Variants in PARD3B observed in about 807,000 individuals in gnomAD.
PARD3B encodes par-3 family cell polarity regulator beta.
Under a neutral mutation model 130.2 loss-of-function variants are expected in PARD3B, and 103 were observed. The observed-to-expected ratio is 0.79, with a 90% CI of 0.67 to 0.93. The LOEUF (loss-of-function observed/expected upper bound fraction) is 0.93. Among genes scored for constraint, PARD3B ranks in the 40% least tolerant of loss-of-function variants. The pLI, the probability that PARD3B is intolerant of heterozygous loss-of-function variation, is 0.00. For missense variants in PARD3B, 1,609 were observed against 1,499.2 expected, an observed-to-expected ratio of 1.07 and a Z score of -1.21; for synonymous variants, 583 against 553.2, an observed-to-expected ratio of 1.05 and a Z score of -0.76.
chr2:205,520,595 G>A (rs1042077845), intron 21 of PARD3B, among the ~76,000 whole-genome samples: 14 of 152,150 alleles, frequency 9.2e-5, no homozygotes, highest in Admixed American at 8.5e-4. Flanking sequence ...TAGGTAATTG[G>A]TAAAAGTGTT....
intron 18 of PARD3B, among the ~76,000 whole-genome samples, chr2:205,389,213 A>G (rs1170636589): frequency 6.6e-6 from 1 of 152,206 alleles, no homozygotes; most frequent in Admixed American, 6.5e-5. Context: ...CACAATAAAA[A>G]GAGATATTAG....
chr2:204,706,374 AAAAAAG>A lies in PARD3B; in HGVS notation c.222+20109_222+20114del, dbSNP rs1190313997. Among the ~76,000 whole-genome samples, 1,448 of 149,440 alleles carry A rather than the reference AAAAAAG, an allele frequency of 9.7e-3. 25 individuals carry two copies. Among genetic ancestry groups the A allele is most frequent in the African/African-American group, 0.032 (1,268 of 39,158 alleles). Reference sequence around the variant, plus strand: ...AGAGTGAGACTCTGTCTCAAAAAAAAAAAAAGAAAAAGAAAAAGAAAAGGGTAAGGA... The same window carrying A: ...AGAGTGAGACTCTGTCTCAAAAAAAAAAAAAGAAAAAGAAAAGGGTAAGGA... On this transcript the variant is annotated intron_variant, in intron 2 of 22. Coordinates refer to ENST00000406610, the MANE Select transcript of PARD3B (RefSeq NM_001302769.2).
chr2:204,838,814 T>C (rs983365603), intron 2 of PARD3B, among the ~76,000 whole-genome samples: 4 of 152,172 alleles, frequency 2.6e-5, no homozygotes, highest in Non-Finnish European at 4.4e-5. Flanking sequence ...AATTATTACA[T>C]GTAACCAAAA....
chr2:204,596,600 G>A (rs2033298341), intron 1 of PARD3B, among the ~76,000 whole-genome samples: 1 of 152,122 alleles, frequency 6.6e-6, no homozygotes, highest in Non-Finnish European at 1.5e-5. Flanking sequence ...CTTGTCAGGT[G>A]CAAAAACATA....
At chr2:204,725,296 G>A (rs1353398112) in intron 2 of PARD3B, among the ~76,000 whole-genome samples, 1 of 152,144 alleles carries the variant, frequency 6.6e-6, no homozygotes, top group Non-Finnish European at 1.5e-5. Context: ...AAAGAGATGT[G>A]ATCTTTTTTA....
intron 1 of PARD3B, among the ~76,000 whole-genome samples, chr2:204,592,820 C>T (rs183269261): frequency 1.4e-3 from 213 of 152,286 alleles, no homozygotes; most frequent in African/African-American, 4.8e-3. Flanking sequence ...ACTTTTGGTA[C>T]TTTTGGTCCC....
intron 18 of PARD3B, among the ~76,000 whole-genome samples, chr2:205,305,246 T>C (rs1189800668): frequency 3.3e-5 from 5 of 152,172 alleles, no homozygotes; most frequent in Non-Finnish European, 7.3e-5. Flanking sequence ...GAATCTCCTA[T>C]ATTTTGGGAA....
At chr2:205,110,639 T>TG (rs1355930300) in intron 5 of PARD3B, among the ~76,000 whole-genome samples, 3 of 125,618 alleles carry the variant, frequency 2.4e-5, no homozygotes, top group African/African-American at 8.2e-5. Context: ...TTTTTGTTTT[T>TG]TGTTTTTTTT....
intron 5 of PARD3B, among the ~76,000 whole-genome samples, chr2:205,109,558 G>T (rs1321462389): frequency 2.0e-5 from 3 of 150,986 alleles, no homozygotes; most frequent in Non-Finnish European, 2.9e-5. Flanking sequence ...TGAATGCTTT[G>T]TAAATACCAG....
At chr2:205,437,446 C>T (rs80113991) in intron 19 of PARD3B, among the ~76,000 whole-genome samples, 86 of 152,276 alleles carry the variant, frequency 5.6e-4, no homozygotes, top group African/African-American at 1.8e-3. Context: ...TAGGCCAGTA[C>T]AGTCCAATAG....
At chr2:205,331,212 G>A (rs924482079) in intron 18 of PARD3B, among the ~76,000 whole-genome samples, 1 of 151,338 alleles carries the variant, frequency 6.6e-6, no homozygotes, top group African/African-American at 2.4e-5. Context: ...ACAGACATGT[G>A]CATACAAACG....
At chr2:204,650,268 G>GA (rs1389360033) in intron 1 of PARD3B, among the ~76,000 whole-genome samples, 1 of 152,096 alleles carries the variant, frequency 6.6e-6, no homozygotes, top group African/African-American at 2.4e-5. Context: ...TGAGGTTGTG[G>GA]AAAAAAGGGA....
chr2:204,570,542 G>A (rs561290470), intron 1 of PARD3B, among the ~76,000 whole-genome samples: 1 of 152,286 alleles, frequency 6.6e-6, no homozygotes, highest in African/African-American at 2.4e-5. Flanking sequence ...TCAAAAATAC[G>A]GAGAGTCTTG....
At chr2:204,838,732 GA>G (rs997540954) in intron 2 of PARD3B, among the ~76,000 whole-genome samples, 2 of 152,056 alleles carry the variant, frequency 1.3e-5, no homozygotes, top group Non-Finnish European at 2.9e-5. Context: ...CTAGCATACA[GA>G]AAAGAGAAAT....
At position 205,301,420 on chromosome 2, in the gene PARD3B, G is replaced by A. The variant is rs748571380; in HGVS notation, c.2393-44G>A. On this transcript the variant is annotated intron_variant, in intron 17 of 22. Transcript: ENST00000406610. This position sits in a 1 kb window ranked among gnomAD's most constrained non-coding sequence, Gnocchi z 5.2. ...TAGCGTTTCTCTGTATACTAACTGA[G>A]TGTGCCCCTGACCATGGGTATTGAT... 1 of 1,575,604 alleles carries A rather than the reference G, an allele frequency of 6.3e-7. No individual in the cohort carries two copies. The highest frequency in any genetic ancestry group is 8.6e-7 in the Non-Finnish European group (1 of 1,166,132).
intron 21 of PARD3B, among the ~76,000 whole-genome samples, chr2:205,527,130 A>G (rs2051373017): frequency 6.6e-6 from 1 of 152,238 alleles, no homozygotes; most frequent in South Asian, 2.1e-4. Flanking sequence ...TTCCCAGGAT[A>G]GCATTCATTT....
chr2:205,469,273 T>G (rs779115461), intron 20 of PARD3B, among the ~76,000 whole-genome samples: 1 of 152,152 alleles, frequency 6.6e-6, no homozygotes, highest in Non-Finnish European at 1.5e-5. Flanking sequence ...TTATTGGACA[T>G]ACTCTTGGAC....
intron 21 of PARD3B, among the ~76,000 whole-genome samples, chr2:205,521,211 GC>G (rs2051035523): frequency 6.6e-6 from 1 of 151,622 alleles, no homozygotes; most frequent in African/African-American, 2.4e-5. Context: ...CAATTTGATG[GC>G]AAATATCAAT....
chr2:204,682,539 A>G (rs1465875729), intron 1 of PARD3B, among the ~76,000 whole-genome samples: 1 of 152,208 alleles, frequency 6.6e-6, no homozygotes, highest in East Asian at 1.9e-4. Flanking sequence ...TTTACCTTCC[A>G]TTTGACCATT....
Sources: gnomAD v4.1 joint callset for allele counts (sites outside exome capture counted in the v4.1 genomes callset) on GRCh38, gnomAD v4.1.1 for gene constraint, Gnocchi (gnomAD v3.1) non-coding constraint, MANE v1.5 for transcripts, NCBI Gene and HGNC (gene_info 2026-07-23, HGNC 2026-07-21) for gene names.